The following CAMK1D variants were observed in gnomAD, a reference collection of about 807,000 sequenced individuals.
CAMK1D encodes the protein calcium/calmodulin dependent protein kinase ID.
CAMK1D carries 9 observed loss-of-function variants against 47.7 expected under a neutral mutation model. That is an observed-to-expected ratio of 0.19 (90% confidence interval 0.11 to 0.33). The LOEUF is 0.33. Ranked by LOEUF, CAMK1D falls within the 10% of genes least tolerant of loss-of-function variation. The probability of loss-of-function intolerance (pLI) is 1.00; values close to 1 mark genes in which losing one functional copy is unlikely to be tolerated. For synonymous variants in CAMK1D, 184 were observed against 184.9 expected (o/e 0.99, Z 0.04); for missense variants, 291 against 488.7 (o/e 0.60, Z 3.81).
At chr10:12,651,335 A>G (rs1007127737) in intron 2 of CAMK1D, among the ~76,000 whole-genome samples, 2 of 152,228 alleles carry the variant, frequency 1.3e-5, no homozygotes, top group Non-Finnish European at 2.9e-5. Flanking sequence ...GTATGCGCAC[A>G]TCTCCGCCTT....
intron 1 of CAMK1D, among the ~76,000 whole-genome samples, chr10:12,369,196 G>A (rs570038268): frequency 2.0e-5 from 3 of 152,158 alleles, no homozygotes; most frequent in Non-Finnish European, 2.9e-5. Context: ...GGTAGGTACT[G>A]TTACCCCCAC....
At chr10:12,537,845 T>C (rs761551382) in intron 1 of CAMK1D, among the ~76,000 whole-genome samples, 25 of 152,278 alleles carry the variant, frequency 1.6e-4, no homozygotes, top group Admixed American at 3.3e-4. Flanking sequence ...GTATATCTTC[T>C]AATTCTTTTC....
intron 3 of CAMK1D, among the ~76,000 whole-genome samples, chr10:12,705,544 C>G (rs1362666029): frequency 3.3e-5 from 5 of 152,214 alleles, no homozygotes; most frequent in Admixed American, 6.5e-5. Context: ...TTATGCACCT[C>G]TTATTTCACT....
At chr10:12,472,896 T>C (rs1380339025) in intron 1 of CAMK1D, among the ~76,000 whole-genome samples, 2 of 152,098 alleles carry the variant, frequency 1.3e-5, no homozygotes, top group African/African-American at 4.8e-5. Flanking sequence ...CAGGGATGAG[T>C]GGCTCAGTTC....
chr10:12,594,734 CT>C (rs1199185745), intron 2 of CAMK1D, among the ~76,000 whole-genome samples: 1 of 152,192 alleles, frequency 6.6e-6, no homozygotes, highest in African/African-American at 2.4e-5. Flanking sequence ...CAGACACTTC[CT>C]TTTCTGGTAA....
chr10:12,782,317 A>C (rs755520831), intron 5 of CAMK1D, among the ~76,000 whole-genome samples: 37 of 152,168 alleles, frequency 2.4e-4, no homozygotes, highest in Non-Finnish European at 4.3e-4. Flanking sequence ...TGCTGCTGCA[A>C]ATTCTGCTAC....
intron 1 of CAMK1D, among the ~76,000 whole-genome samples, chr10:12,490,586 C>T (rs1307325850): frequency 2.6e-5 from 4 of 152,318 alleles, no homozygotes; most frequent in Middle Eastern, 3.4e-3. Context: ...CGGCGGCTCA[C>T]GCCTGTAATC....
intron 1 of CAMK1D, among the ~76,000 whole-genome samples, chr10:12,511,432 C>G (rs1230274026): frequency 6.6e-6 from 1 of 151,960 alleles, no homozygotes; most frequent in East Asian, 1.9e-4. Flanking sequence ...GAGACCCTGT[C>G]TCTACAAAAA....
At position 12,494,886 on chromosome 10, in the gene CAMK1D, G is replaced by C. The variant is rs143494723; in HGVS notation, c.93-58339G>C. On this transcript the variant is annotated intron_variant, in intron 1 of 10. Coordinates refer to ENST00000619168, the MANE Select transcript of CAMK1D (RefSeq NM_153498.4). ...GCCCAGCCTGGCCTTGAATTTTCTT[G>C]TGACTTTTCACCATGATTGGTTTGG... is the stretch of plus-strand genomic sequence containing the variant. Among the ~76,000 whole-genome samples, 228 of 152,170 alleles carry C rather than the reference G, an allele frequency of 1.5e-3. 2 individuals carry two copies. Among genetic ancestry groups the C allele is most frequent in the African/African-American group, 4.9e-3 (205 of 41,518 alleles).
At chr10:12,726,350 G>A (rs369648109) in intron 3 of CAMK1D, among the ~76,000 whole-genome samples, 11 of 152,018 alleles carry the variant, frequency 7.2e-5, no homozygotes, top group African/African-American at 2.7e-4. Flanking sequence ...CTTGAACCTG[G>A]GAGGCAGAGG....
At chr10:12,420,338 A>C (rs1441853468) in intron 1 of CAMK1D, among the ~76,000 whole-genome samples, 2 of 152,232 alleles carry the variant, frequency 1.3e-5, no homozygotes, top group Admixed American at 6.5e-5. Context: ...AGTCCTTTTC[A>C]TATTACCCTT....
At chr10:12,712,591 A>T (rs941377103) in intron 3 of CAMK1D, among the ~76,000 whole-genome samples, 5 of 152,134 alleles carry the variant, frequency 3.3e-5, no homozygotes, top group Admixed American at 1.3e-4. Context: ...GGACAAAAAG[A>T]GGGCTCTGGC....
chr10:12,746,520 G>A (rs1835688520), intron 3 of CAMK1D, among the ~76,000 whole-genome samples: 1 of 152,112 alleles, frequency 6.6e-6, no homozygotes, highest in African/African-American at 2.4e-5. Flanking sequence ...CACATTACAG[G>A]AAAATGTTTT....
At chr10:12,752,383 T>G (rs891218749) in intron 3 of CAMK1D, among the ~76,000 whole-genome samples, 1 of 152,204 alleles carries the variant, frequency 6.6e-6, no homozygotes, top group South Asian at 2.1e-4. Context: ...AGAACAAATA[T>G]AAATACTAAA....
At chr10:12,431,673 G>A (rs1428011325) in intron 1 of CAMK1D, among the ~76,000 whole-genome samples, 3 of 152,150 alleles carry the variant, frequency 2.0e-5, no homozygotes, top group Non-Finnish European at 4.4e-5. Flanking sequence ...GGGGGCGTCC[G>A]TTCCCTGCTT....
intron 1 of CAMK1D, among the ~76,000 whole-genome samples, chr10:12,539,609 A>G (rs1836097971): frequency 6.6e-6 from 1 of 152,214 alleles, no homozygotes; most frequent in African/African-American, 2.4e-5. Flanking sequence ...TTCCCCCACC[A>G]TCAGGGATGG....
intron 1 of CAMK1D, among the ~76,000 whole-genome samples, chr10:12,436,757 G>A (rs1832644900): frequency 6.6e-6 from 1 of 152,208 alleles, no homozygotes; most frequent in Non-Finnish European, 1.5e-5. Context: ...TGATCTCAGT[G>A]TGACAGGATC....
rs753161766 is a variant in CAMK1D at position 12,601,181 on chromosome 10, TTTTG to T, written c.224+47837_224+47840del. 2.6e-4 allele frequency among the ~76,000 whole-genome samples: 7 copies of T among 26,718 alleles called. No individual in the cohort carries two copies. The East Asian group carries it at 4.2e-3, about 16-fold the overall frequency. 17.5% of individuals were successfully genotyped at this position (26,718 alleles called of 152,430 possible). On this transcript the variant is annotated intron_variant, in intron 2 of 10. Coordinates refer to ENST00000619168, the MANE Select transcript of CAMK1D (RefSeq NM_153498.4). ...GCTGGATAAAATGATAGTTTTTTTT[TTTTG>T]TTTGTTTGTTTTTTTTTTTTTTTTG...
chr10:12,509,665 G>C (rs1834983452), intron 1 of CAMK1D, among the ~76,000 whole-genome samples: 1 of 152,184 alleles, frequency 6.6e-6, no homozygotes, highest in Non-Finnish European at 1.5e-5. Flanking sequence ...GTGGGAGGAT[G>C]AATTGAGCCT....
Sources: gnomAD v4.1 joint callset for allele counts (sites outside exome capture counted in the v4.1 genomes callset) on GRCh38, gnomAD v4.1.1 for gene constraint, MANE v1.5 for transcripts, NCBI Gene and HGNC (gene_info 2026-07-23, HGNC 2026-07-21) for gene names.